Variants in CHGB observed in about 807,000 individuals in gnomAD.
The protein encoded by CHGB is chromogranin B, also known as secretogranin-1.
In CHGB, 46 loss-of-function variants were observed where a neutral mutation model predicts 69.9. That is an observed-to-expected ratio of 0.66 (90% CI 0.52 to 0.84). CHGB has a LOEUF of 0.84. CHGB is among the 40% of genes least tolerant of loss of function. CHGB has a pLI of 0.00. For synonymous variants in CHGB, 312 were observed against 298.2 expected, an observed-to-expected ratio of 1.05 and a Z score of -0.48; for missense variants, 796 against 822.2, an observed-to-expected ratio of 0.97 and a Z score of 0.39.
At chr20:5,916,022 A>G in intron 1 of CHGB, 1 of 232,870 alleles carries the variant, frequency 4.3e-6, no homozygotes, top group Non-Finnish European at 8.3e-6. Context: ...CCTAGCTTAA[A>G]CTTTTAATTG....
intron 4 of CHGB, 60 bp downstream of exon 4, chr20:5,924,160 T>C: frequency 6.8e-7 from 1 of 1,478,926 alleles, no homozygotes; most frequent in Non-Finnish European, 9.0e-7. Flanking sequence ...CACATTATGT[T>C]CAAGACTATC....
At chr20:5,921,164 A>G (rs183087575) in intron 3 of CHGB, among the ~76,000 whole-genome samples, 1 of 152,322 alleles carries the variant, frequency 6.6e-6, no homozygotes, top group East Asian at 1.9e-4. Flanking sequence ...TTTGAAATAT[A>G]TATTATCCAA....
rs759534931 is a variant in CHGB, at chr20:5,916,866, C to T, written c.137C>T (p.Ser46Leu). The T allele has an allele frequency of 8.1e-6, 13 of 1,614,172 alleles. No individual in the cohort carries two copies. The highest frequency in any genetic ancestry group is 5.3e-5 in the African/African-American group (4 of 75,028). Residue 46 changes from serine (S) to leucine (L), a missense_variant, in exon 3 of 5, where the codon TCG (serine) becomes TTG (leucine). Physicochemically the swap from Ser to Leu is moderately radical, Grantham distance 145. Around this residue, in one of 3 missense-constraint regions of CHGB, gnomAD observed 518 missense variants for 506.3 expected, o/e 1.02. Coordinates refer to ENST00000378961, the MANE Select transcript of CHGB (RefSeq NM_001819.3). ...ATTGAGGTCCTCTCAAATGCCTTGT[C>T]GAAGTCCAGCGCTCCACCCATCACC... is the stretch of plus-strand genomic sequence containing the variant. ...CIIEVLSNAL[S>L]KSSAPPITPE...
chr20:5,914,895 A>G (rs1320767770), intron 1 of CHGB, among the ~76,000 whole-genome samples: 1 of 152,206 alleles, frequency 6.6e-6, no homozygotes, highest in Admixed American at 6.5e-5. Flanking sequence ...TAGGTGTTTT[A>G]TTTCCAGGTT....
At chr20:5,916,520 C>G in intron 2 of CHGB, 148 bp downstream of exon 2, 1 of 738,746 alleles carries the variant, frequency 1.4e-6, no homozygotes, top group Non-Finnish European at 2.3e-6. Flanking sequence ...AGGGATGCCC[C>G]TCCTGCACTG....
In CHGB at chr20:5,922,732, C is replaced by G; in HGVS notation, c.588C>G (p.Asn196Lys). The G allele has an allele frequency of 6.2e-7, 1 of 1,614,126 alleles. No individual in the cohort carries two copies. The highest frequency in any genetic ancestry group is 8.5e-7 in the Non-Finnish European group (1 of 1,180,018). ...KHLEEPGETQNAFLNERKQAS... is the reference protein window; with the variant it reads ...KHLEEPGETQKAFLNERKQAS... ...TTGAAGAGCCAGGAGAGACACAAAACGCTTTTCTCAATGAAAGAAAGCAGG... is the reference window on the plus strand; with the variant it reads ...TTGAAGAGCCAGGAGAGACACAAAAGGCTTTTCTCAATGAAAGAAAGCAGG... Residue 196 changes from asparagine (N) to lysine (K), a missense_variant, in exon 4 of 5, where the codon AAC (asparagine) becomes AAG (lysine). Coordinates refer to ENST00000378961, the MANE Select transcript of CHGB (RefSeq NM_001819.3).
chr20:5,919,991 G>A (rs1016334117), intron 3 of CHGB, among the ~76,000 whole-genome samples: 1 of 151,934 alleles, frequency 6.6e-6, no homozygotes, highest in Non-Finnish European at 1.5e-5. Flanking sequence ...TTTGACTAGG[G>A]TTGATCTGGT....
Position 5,922,420 on chromosome 20 carries a change from C to T in CHGB, c.276C>T (p.Ala92=). ...EVRLLRDPAD[A]SEAHESSSRG... is the part of the protein sequence containing the mutation. Reference sequence around the variant, plus strand: ...GATTGTTAAGAGACCCAGCTGATGCCTCGGAAGCCCACGAGTCCTCCAGCA... The same window carrying T: ...GATTGTTAAGAGACCCAGCTGATGCTTCGGAAGCCCACGAGTCCTCCAGCA... The change falls in exon 4 of 5, where the codon GCC becomes GCT. Residue 92 remains alanine, a synonymous_variant. Transcript: ENST00000378961. 2 of 1,610,340 alleles carry T rather than the reference C, an allele frequency of 1.2e-6. No homozygotes were observed. Among genetic ancestry groups the T allele is most frequent in the South Asian group, 1.1e-5 (1 of 91,022 alleles).
Position 5,924,015 on chromosome 20 carries a change from A to G in CHGB, c.1871A>G (p.Tyr624Cys), listed in dbSNP as rs375238058. Residue 624 changes from tyrosine (Y) to cysteine (C), a missense_variant, in exon 4 of 5, where the codon TAT (tyrosine) becomes TGT (cysteine). Tyr to Cys is a radical substitution (Grantham distance 194, BLOSUM62 -2). Transcript: ENST00000378961. ...RKKSAEFPDF[Y>C]DSEEPVSTHQ... ...AAGTCAGCTGAGTTTCCAGACTTCT[A>G]TGATTCTGAGGAGCCGGTGAGCACC... is the stretch of plus-strand genomic sequence containing the variant. The G allele has an allele frequency of 6.1e-5, 98 of 1,613,844 alleles. No individual in the cohort carries two copies. Among genetic ancestry groups the G allele is most frequent in the South Asian group, 3.1e-4 (28 of 91,072 alleles).
rs764400176 is a variant in CHGB, at chr20:5,923,232, G to C, written c.1088G>C (p.Arg363Thr). 1.2e-6 allele frequency: 2 copies of C among 1,613,796 alleles called. No individual in the cohort carries two copies. The highest frequency in any genetic ancestry group is 1.7e-6 in the Non-Finnish European group (2 of 1,179,842). ...GAGGACCTGGAGTGGGAGCGCTATAGGGGCAGAGGAAGTGAAGAATACAGG... is the reference window on the plus strand; with the variant it reads ...GAGGACCTGGAGTGGGAGCGCTATACGGGCAGAGGAAGTGAAGAATACAGG... ...APEDLEWERY[R>T]GRGSEEYRAP... Residue 363 changes from arginine (R) to threonine (T), a missense_variant, in exon 4 of 5, where the codon AGG becomes ACG. Around this residue, in one of 3 missense-constraint regions of CHGB, gnomAD observed 518 missense variants for 506.3 expected, o/e 1.02. Transcript: ENST00000378961.
Position 5,922,677 on chromosome 20 carries a change from G to A in CHGB, c.533G>A (p.Arg178Gln), listed in dbSNP as rs910122. The change falls in exon 4 of 5, where the codon CGA (arginine) becomes CAA (glutamine). Residue 178 changes from arginine (R) to glutamine (Q), a missense_variant. By Grantham distance (43) the Arg-to-Gln change is conservative. Around this residue, in one of 3 missense-constraint regions of CHGB, gnomAD observed 518 missense variants for 506.3 expected, o/e 1.02. Transcript: ENST00000378961. The stretch of plus-strand genomic sequence containing the variant: ...GGAGAGAACTATCAAAAAGGGGAGC[G>A]AGGGGAAGATAGCAGTGAAGAGAAA... ...EEGENYQKGE[R>Q]GEDSSEEKHL... 0.38 allele frequency: 620,420 copies of A among 1,613,706 alleles called. 122,503 individuals are homozygous for A. The highest frequency in any genetic ancestry group is 0.57 in the Admixed American group (34,079 of 60,002).
At chr20:5,916,076 T>C in intron 1 of CHGB, 2 of 520,502 alleles carry the variant, frequency 3.8e-6, no homozygotes, top group Non-Finnish European at 6.9e-6. Context: ...AGTATACAGC[T>C]TAATACGCAC....
chr20:5,917,509 C>T (rs1001872968), intron 3 of CHGB: 1 of 153,746 alleles, frequency 6.5e-6, no homozygotes, highest in African/African-American at 2.4e-5. Flanking sequence ...CCAAATGGTA[C>T]CAGGAGTTCC....
rs141748366 is a variant in CHGB, at chr20:5,922,996, C to T, written c.852C>T (p.His284=). 31 of 1,610,462 alleles carry T rather than the reference C, an allele frequency of 1.9e-5. No homozygotes were observed. The highest frequency in any genetic ancestry group is 2.3e-5 in the Non-Finnish European group (27 of 1,178,334). The change falls in exon 4 of 5, where the codon CAC becomes CAT. Residue 284 remains histidine, a synonymous_variant. Transcript: ENST00000378961. ...AACGACGCACGAGGCCCAGACACCA[C>T]CACGGGAGGAGCAGGCCCGACAGGT... The part of the protein sequence containing the change: ...VDKRRTRPRH[H]HGRSRPDRSS...
chr20:5,911,698 G>A lies in CHGB; in HGVS notation c.49+16G>A. The A allele has an allele frequency of 1.4e-6, 2 of 1,449,216 alleles. No homozygotes were observed. Among genetic ancestry groups the A allele is most frequent in the South Asian group, 1.4e-5 (1 of 71,626 alleles). The allele number at this position is 1,449,216 out of a possible 1,614,324, so 89.8% of individuals were successfully genotyped here. ...GGGCTGGCGGGTGAGTGGGCGCGGCGGGCCGGTCAGCACCGCGGACAGCGC... is the reference window on the plus strand; with the variant it reads ...GGGCTGGCGGGTGAGTGGGCGCGGCAGGCCGGTCAGCACCGCGGACAGCGC... On this transcript the variant is annotated intron_variant, in intron 1 of 4. Transcript: ENST00000378961.
Position 5,919,278 on chromosome 20 carries a change from G to A in CHGB, c.190+2359G>A, listed in dbSNP as rs141399998. ...TGATTATGCCCTGAGGTCTTTTGGT[G>A]TCTGTTGAGAGAGACGTAGGGAAAC... On this transcript the variant is annotated intron_variant, in intron 3 of 4. Coordinates refer to ENST00000378961, the MANE Select transcript of CHGB (RefSeq NM_001819.3). Among the ~76,000 whole-genome samples, 390 of 152,306 alleles carry A rather than the reference G, an allele frequency of 2.6e-3. 1 individual carries two copies. Among genetic ancestry groups the A allele is most frequent in the African/African-American group, 9.0e-3 (374 of 41,550 alleles).
chr20:5,915,516 TTG>T (rs2088470310), intron 1 of CHGB: 1 of 152,178 alleles, frequency 6.6e-6, no homozygotes, highest in African/African-American at 2.4e-5. Flanking sequence ...ATAAACGAGC[TTG>T]TTCAGGCAAA....
In CHGB at chr20:5,924,127, G is replaced by A. The variant is rs1042190997; in HGVS notation, c.1956+27G>A. On this transcript the variant is annotated intron_variant, in intron 4 of 4. Coordinates refer to ENST00000378961, the MANE Select transcript of CHGB (RefSeq NM_001819.3). ...TATGGTCTAGGGCTTCTGTTTAAAA[G>A]TACTTACTCTGGTCAATGTTAGCAC... 4 of 1,550,704 alleles carry A rather than the reference G, an allele frequency of 2.6e-6. No individual in the cohort carries two copies. In the African/African-American group the frequency reaches 5.5e-5, roughly 21 times the overall value.
chr20:5,915,528 AG>A (rs2088470392), intron 1 of CHGB: 1 of 152,210 alleles, frequency 6.6e-6, no homozygotes, highest in South Asian at 2.1e-4. Flanking sequence ...GTTCAGGCAA[AG>A]GCCTTGCGGG....
Sources: allele counts gnomAD v4.1 joint callset (sites outside exome capture counted in the v4.1 genomes callset), GRCh38; gene constraint gnomAD v4.1.1; regional missense constraint gnomAD v4.1.1; transcripts MANE v1.5; gene names NCBI Gene and HGNC (gene_info 2026-07-23, HGNC 2026-07-21).